Variants in LRRC7 observed in about 807,000 individuals in gnomAD.
LRRC7 encodes the protein leucine rich repeat containing 7, also known as leucine-rich repeat-containing protein 7.
A neutral mutation model predicts 175.7 loss-of-function variants in LRRC7; 23 were observed. The ratio of observed to expected loss-of-function variants is 0.13; its 90% CI spans 0.09 to 0.19. LRRC7 has a LOEUF of 0.19. LRRC7 is among the 10% of genes least tolerant of loss of function. The pLI is 1.00. For missense variants in LRRC7, 1,354 were observed against 1,904.7 expected (o/e 0.71, Z 5.38); for synonymous variants, 685 against 680.9 (o/e 1.01, Z -0.09).
chr1:69,894,538 C>T (rs1030830369), intron 7 of LRRC7, among the ~76,000 whole-genome samples: 6 of 152,182 alleles, frequency 3.9e-5, no homozygotes, highest in Non-Finnish European at 5.9e-5. Flanking sequence ...ATCTAATAAA[C>T]TGACATACTT....
chr1:69,838,900 C>T (rs1681417929), intron 7 of LRRC7, among the ~76,000 whole-genome samples: 1 of 151,826 alleles, frequency 6.6e-6, no homozygotes, highest in African/African-American at 2.4e-5. Context: ...CCAGCTTTGC[C>T]TTATTCATGT....
intron 14 of LRRC7, 108 bp from the exon 15 acceptor site, chr1:70,018,611 T>A (rs756164875): frequency 9.0e-6 from 5 of 555,304 alleles, no homozygotes; most frequent in Non-Finnish European, 1.5e-5. Context: ...ATTTTATTTC[T>A]TTTTTCACTT....
chr1:69,588,708 A>G (rs912235182), intron 1 of LRRC7, among the ~76,000 whole-genome samples: 1 of 152,218 alleles, frequency 6.6e-6, no homozygotes, highest in Non-Finnish European at 1.5e-5. Context: ...CAAATGAGAT[A>G]AATGAATGGA....
At chr1:69,744,384 G>C (rs1321236141) in intron 2 of LRRC7, among the ~76,000 whole-genome samples, 1 of 151,804 alleles carries the variant, frequency 6.6e-6, no homozygotes, top group Non-Finnish European at 1.5e-5. Flanking sequence ...TTCTGCTTCA[G>C]GTTAGATTTG....
intron 23 of LRRC7, among the ~76,000 whole-genome samples, chr1:70,066,088 AT>A (rs1661951172): frequency 6.6e-6 from 1 of 151,826 alleles, no homozygotes; most frequent in Admixed American, 6.6e-5. Context: ...GTTTAAAATC[AT>A]TTTTTTCCAG....
intron 9 of LRRC7, among the ~76,000 whole-genome samples, chr1:69,983,656 T>C (rs1274647151): frequency 1.3e-5 from 2 of 152,192 alleles, no homozygotes; most frequent in Non-Finnish European, 2.9e-5. Context: ...TCAGAACAAC[T>C]TCAGGGCAAT....
chr1:70,001,136 A>G (rs1263660532), intron 11 of LRRC7, among the ~76,000 whole-genome samples: 1 of 152,182 alleles, frequency 6.6e-6, no homozygotes. Context: ...TCTGAAAATT[A>G]TCAACACTAG....
At chr1:69,626,405 T>G (rs1291271825) in intron 1 of LRRC7, among the ~76,000 whole-genome samples, 4 of 139,872 alleles carry the variant, frequency 2.9e-5, no homozygotes, top group African/African-American at 1.0e-4. Flanking sequence ...AAAAAAAAAA[T>G]CCAGATTTTT....
chr1:70,061,586 A>G (rs1661580342), intron 23 of LRRC7, among the ~76,000 whole-genome samples: 1 of 152,170 alleles, frequency 6.6e-6, no homozygotes, highest in African/African-American at 2.4e-5. Flanking sequence ...ATAATTTTTA[A>G]TTTAAAAAAT....
At chr1:69,828,497 T>A (rs1192142900) in intron 5 of LRRC7, among the ~76,000 whole-genome samples, 1 of 152,174 alleles carries the variant, frequency 6.6e-6, no homozygotes, top group Non-Finnish European at 1.5e-5. Context: ...ATTTCAATTA[T>A]GGCTTTAATT....
At chr1:69,710,632 T>G (rs1664647953) in intron 2 of LRRC7, among the ~76,000 whole-genome samples, 2 of 152,128 alleles carry the variant, frequency 1.3e-5, no homozygotes, top group South Asian at 2.1e-4. Flanking sequence ...TTAATTAAAA[T>G]GTAGTAAAGT....
chr1:69,738,852 GA>G (rs1184515223), intron 2 of LRRC7, among the ~76,000 whole-genome samples: 1 of 152,000 alleles, frequency 6.6e-6, no homozygotes, highest in Non-Finnish European at 1.5e-5. Context: ...CCTGGAGACA[GA>G]AAAAAGTAGA....
intron 13 of LRRC7, among the ~76,000 whole-genome samples, chr1:70,015,244 T>A (rs1181345828): frequency 6.6e-6 from 1 of 151,992 alleles, no homozygotes; most frequent in African/African-American, 2.4e-5. Flanking sequence ...CTCAGAAAGG[T>A]TACTATATTT....
intron 10 of LRRC7, among the ~76,000 whole-genome samples, chr1:69,991,898 A>G (rs1654474782): frequency 6.6e-6 from 1 of 152,082 alleles, no homozygotes; most frequent in Non-Finnish European, 1.5e-5. Context: ...CCTCTTCTAG[A>G]TGGAGAGTTT....
At chr1:69,804,975 T>C (rs945103509) in intron 4 of LRRC7, among the ~76,000 whole-genome samples, 1 of 151,934 alleles carries the variant, frequency 6.6e-6, no homozygotes, top group Admixed American at 6.6e-5. Context: ...ACTACGACAC[T>C]ATAATTTAAG....
intron 23 of LRRC7, among the ~76,000 whole-genome samples, chr1:70,071,254 A>G (rs1272641355): frequency 6.6e-6 from 1 of 152,196 alleles, no homozygotes; most frequent in Non-Finnish European, 1.5e-5. Context: ...TCTGTGATAT[A>G]TGACACAAAA....
chr1:69,750,814 A>AGGGC (rs1425791182), intron 2 of LRRC7, among the ~76,000 whole-genome samples: 1 of 152,180 alleles, frequency 6.6e-6, no homozygotes, highest in Non-Finnish European at 1.5e-5. Flanking sequence ...TCCATTCATG[A>AGGGC]GGGCGGGGTC....
At chr1:69,596,245 A>G (rs180995779) in intron 1 of LRRC7, among the ~76,000 whole-genome samples, 2 of 152,258 alleles carry the variant, frequency 1.3e-5, no homozygotes, top group African/African-American at 4.8e-5. Context: ...TTTTGGATAA[A>G]AAGTTAAAAA....
chr1:69,758,161 TA>T (rs1670640883), intron 2 of LRRC7, among the ~76,000 whole-genome samples: 1 of 151,954 alleles, frequency 6.6e-6, no homozygotes, highest in African/African-American at 2.4e-5. Flanking sequence ...AGATGCCAGG[TA>T]ACAACATGAA....
Sources: gnomAD v4.1 joint callset for allele counts (sites outside exome capture counted in the v4.1 genomes callset) on GRCh38, gnomAD v4.1.1 for gene constraint, MANE v1.5 for transcripts, NCBI Gene and HGNC (gene_info 2026-07-23, HGNC 2026-07-21) for gene names.